The following C1QTNF7 variants were observed in gnomAD, a reference collection of about 807,000 sequenced individuals.
C1QTNF7 encodes C1q and TNF related 7, also known as complement C1q tumor necrosis factor-related protein 7.
C1QTNF7 carries 15 observed loss-of-function variants against 19.6 expected under a neutral mutation model. The observed-to-expected ratio is 0.76, with a 90% CI of 0.51 to 1.18. The LOEUF (loss-of-function observed/expected upper bound fraction) is 1.18. C1QTNF7 is among the 50% of genes most tolerant of loss of function. The probability of loss-of-function intolerance (pLI) is 0.00; values close to 1 mark genes in which losing one functional copy is unlikely to be tolerated. For missense variants in C1QTNF7, 324 were observed against 359.7 expected (o/e 0.90, Z 0.80); for synonymous variants, 142 against 137.5 (o/e 1.03, Z -0.23).
intron 1 of C1QTNF7, among the ~76,000 whole-genome samples, chr4:15,416,215 C>A (rs1019401762): frequency 6.6e-6 from 1 of 152,094 alleles, no homozygotes; most frequent in African/African-American, 2.4e-5. Context: ...GCATCTTTAC[C>A]AAACTAATAA....
chr4:15,429,719 C>G (rs1404561297), intron 1 of C1QTNF7, among the ~76,000 whole-genome samples: 3 of 152,096 alleles, frequency 2.0e-5, no homozygotes, highest in Non-Finnish European at 4.4e-5. Context: ...TGTTTGAGTC[C>G]TTGCTGCTAC....
chr4:15,346,557 T>C (rs939134881), intron 1 of C1QTNF7, among the ~76,000 whole-genome samples: 4 of 152,206 alleles, frequency 2.6e-5, no homozygotes, highest in Admixed American at 1.3e-4. Flanking sequence ...CTCTCTTAAA[T>C]TGGTAATTTT....
chr4:15,428,312 C>G (rs1294520717), intron 1 of C1QTNF7, among the ~76,000 whole-genome samples: 4 of 152,314 alleles, frequency 2.6e-5, no homozygotes, highest in Admixed American at 1.3e-4. Flanking sequence ...GGTTCCCCAT[C>G]TAACCTACCA....
chr4:15,428,921 G>A (rs1345140298), intron 1 of C1QTNF7, among the ~76,000 whole-genome samples: 5 of 152,176 alleles, frequency 3.3e-5, no homozygotes, highest in Non-Finnish European at 7.3e-5. Context: ...TAATTATCAA[G>A]TCCAGCCCTT....
chr4:15,404,799 G>A (rs1419789382), intron 1 of C1QTNF7, among the ~76,000 whole-genome samples: 1 of 152,194 alleles, frequency 6.6e-6, no homozygotes, highest in Non-Finnish European at 1.5e-5. Flanking sequence ...AGTAAGGAAT[G>A]TCTGCACAGC....
At chr4:15,348,019 C>A (rs921706457) in intron 1 of C1QTNF7, among the ~76,000 whole-genome samples, 2 of 152,058 alleles carry the variant, frequency 1.3e-5, no homozygotes, top group East Asian at 1.9e-4. Context: ...TAATATATAT[C>A]TGCTCCACTG....
intron 1 of C1QTNF7, among the ~76,000 whole-genome samples, chr4:15,359,934 G>T (rs11943051): frequency 0.016 from 2,436 of 152,264 alleles, 66 homozygotes; most frequent in African/African-American, 0.055. Context: ...GACATGGTAA[G>T]GAAAAGAGGA....
chr4:15,394,866 G>T (rs1263388563), intron 1 of C1QTNF7, among the ~76,000 whole-genome samples: 1 of 152,060 alleles, frequency 6.6e-6, no homozygotes, highest in Non-Finnish European at 1.5e-5. Context: ...CACCCAAGGG[G>T]ATTCTCATTA....
chr4:15,425,990 CG>C (rs954705032), upstream of C1QTNF7, among the ~76,000 whole-genome samples: 20 of 152,130 alleles, frequency 1.3e-4, no homozygotes, highest in South Asian at 6.2e-4. Context: ...TTGACCATGG[CG>C]GGGGTATTCA....
chr4:15,442,642 A>C lies in C1QTNF7; in HGVS notation c.713A>C (p.Tyr238Ser). ...GTGGCTTCGGGGTCCACAGTCATCT[A>C]TCTGCAGCCAGAAGATGAAGTCTGG... ...HDVASGSTVI[Y>S]LQPEDEVWLE... The change falls in exon 3 of 3, where the codon TAT (tyrosine) becomes TCT (serine). Residue 238 changes from tyrosine to serine, a missense_variant. Tyr to Ser is a moderately radical substitution (Grantham distance 144). Transcript: ENST00000444304. The C allele has an allele frequency of 3.7e-6, 6 of 1,614,228 alleles. No individual in the cohort carries two copies. Among genetic ancestry groups the C allele is most frequent in the Non-Finnish European group, 5.1e-6 (6 of 1,180,042 alleles).
intron 1 of C1QTNF7, among the ~76,000 whole-genome samples, chr4:15,360,843 T>C (rs944700247): frequency 1.1e-4 from 16 of 152,270 alleles, no homozygotes; most frequent in Non-Finnish European, 2.2e-4. Flanking sequence ...GAGGACTTTT[T>C]CTAAAAGTCA....
chr4:15,370,118 T>C (rs893233682), intron 1 of C1QTNF7, among the ~76,000 whole-genome samples: 1 of 152,198 alleles, frequency 6.6e-6, no homozygotes, highest in African/African-American at 2.4e-5. Context: ...ATGATTATTA[T>C]AGTGATATAA....
intron 1 of C1QTNF7, chr4:15,358,830 G>T (rs1717238869): frequency 6.6e-6 from 1 of 152,282 alleles, no homozygotes; most frequent in Admixed American, 6.6e-5. Flanking sequence ...GGAGGAGAAG[G>T]AGTGCAAGGT....
intron 2 of C1QTNF7, among the ~76,000 whole-genome samples, chr4:15,441,316 GT>G (rs1712748538): frequency 2.0e-5 from 3 of 152,262 alleles, no homozygotes; most frequent in Admixed American, 2.0e-4. Flanking sequence ...ATAATTCTGA[GT>G]TCATAAAGTC....
Position 15,442,887 on chromosome 4 carries a change from C to A in C1QTNF7, c.*88C>A. ...AGCAGGAATGGGATCCAAAGAGACT[C>A]CCACTCAGATTCTAAAGCATTTAAA... On this transcript the variant is annotated 3_prime_UTR_variant, in exon 3 of 3. Coordinates refer to ENST00000444304, the MANE Select transcript of C1QTNF7 (RefSeq NM_031911.5). 8 of 1,316,038 alleles carry A rather than the reference C, an allele frequency of 6.1e-6. No homozygotes were observed. Among genetic ancestry groups the A allele is most frequent in the Non-Finnish European group, 8.2e-6 (8 of 971,930 alleles). 81.5% of individuals were successfully genotyped at this position (1,316,038 alleles called of 1,614,324 possible).
At chr4:15,378,147 A>G (rs1718009794) in intron 1 of C1QTNF7, among the ~76,000 whole-genome samples, 1 of 152,246 alleles carries the variant, frequency 6.6e-6, no homozygotes, top group Admixed American at 6.5e-5. Flanking sequence ...TCTTTAGCTA[A>G]CATGGTCAAG....
exon 1 of C1QTNF7, chr4:15,339,993 A>G (rs184555495): frequency 1.5e-6 from 1 of 674,674 alleles, no homozygotes; most frequent in African/African-American, 1.8e-5. Flanking sequence ...ACTTCGTACA[A>G]CAGCATGAGC....
chr4:15,390,328 T>C (rs1261975144), intron 1 of C1QTNF7, among the ~76,000 whole-genome samples: 2 of 152,178 alleles, frequency 1.3e-5, no homozygotes, highest in African/African-American at 4.8e-5. Context: ...AAACTTTACT[T>C]ACCATCAACA....
intron 1 of C1QTNF7, among the ~76,000 whole-genome samples, chr4:15,431,907 A>G (rs1712328870): frequency 6.6e-6 from 1 of 152,244 alleles, no homozygotes; most frequent in African/African-American, 2.4e-5. Flanking sequence ...AAAAATGTAG[A>G]GCAGATAAAA....
Sources: allele counts gnomAD v4.1 joint callset (sites outside exome capture counted in the v4.1 genomes callset), GRCh38; gene constraint gnomAD v4.1.1; transcripts MANE v1.5; gene names NCBI Gene and HGNC (gene_info 2026-07-23, HGNC 2026-07-21).